ACSS3: variants seen among roughly 807,000 people sequenced by gnomAD.
The protein encoded by ACSS3 is acyl-CoA synthetase short chain family member 3.
In ACSS3, 64 loss-of-function variants were observed where a neutral mutation model predicts 84.2. The observed-to-expected ratio is 0.76, with a 90% CI of 0.62 to 0.94. The LOEUF (loss-of-function observed/expected upper bound fraction) is 0.94, where lower values mean the gene tolerates loss of function less well. Ranked by LOEUF, ACSS3 falls within the 40% of genes least tolerant of loss-of-function variation. ACSS3 has a pLI of 0.00. For missense variants in ACSS3, 815 were observed against 867.6 expected (o/e 0.94, Z 0.76); for synonymous variants, 317 against 310.1 (o/e 1.02, Z -0.23).
intron 8 of ACSS3, among the ~76,000 whole-genome samples, chr12:81,189,757 T>A (rs146164552): frequency 2.0e-5 from 3 of 152,160 alleles, no homozygotes; most frequent in Non-Finnish European, 4.4e-5. Flanking sequence ...ATTTAAGACA[T>A]AGGTGTTTTT....
rs1308381908 is a variant in ACSS3, at chr12:81,125,195, A to AC, written c.457-9621_457-9620insC. On this transcript the variant is annotated intron_variant, in intron 2 of 15. Transcript: ENST00000548058. ...CGCCACCGCACTCCAGCCTGGGCAG[A>AC]AGAGCGAGACTTCGTCTCAAAAAAA... is the stretch of plus-strand genomic sequence containing the variant. Among the ~76,000 whole-genome samples, 10 of 152,256 alleles carry AC rather than the reference A, an allele frequency of 6.6e-5. No individual in the cohort carries two copies. In the South Asian group the frequency reaches 8.3e-4, roughly 13 times the overall value.
chr12:81,230,105 C>A (rs1259962697), intron 11 of ACSS3, among the ~76,000 whole-genome samples: 2 of 151,784 alleles, frequency 1.3e-5, no homozygotes, highest in East Asian at 3.9e-4. Flanking sequence ...ATTTTCTCAG[C>A]ATGAGAACTA....
rs555093531 is a variant in ACSS3 at position 81,177,849 on chromosome 12, C to G, written c.1250+2910C>G. Among the ~76,000 whole-genome samples, 6 of 152,282 alleles carry G rather than the reference C, an allele frequency of 3.9e-5. No homozygotes were observed. The East Asian group carries it at 1.2e-3, about 29-fold the overall frequency. On this transcript the variant is annotated intron_variant, in intron 8 of 15. Coordinates refer to ENST00000548058, the MANE Select transcript of ACSS3 (RefSeq NM_024560.4). ...GAGAGGATGTGGAGAAATAGGAACA[C>G]TTTTACACTGTTGGTGGGACTGTAA...
rs1565693490 is a variant in ACSS3 at position 81,152,100 on chromosome 12, ATAAAG to A, written c.1098+11_1098+15del. ...GAACACAACAGTTTTATATGAGGTAATAAAGTAAAGTTAATACCACATATAAATGA... is the reference window on the plus strand; with the variant it reads ...GAACACAACAGTTTTATATGAGGTAATAAAGTTAATACCACATATAAATGA... On this transcript the variant is annotated splice_donor_5th_base_variant and intron_variant, in intron 7 of 15. Transcript: ENST00000548058. 4 of 1,602,388 alleles carry A rather than the reference ATAAAG, an allele frequency of 2.5e-6. No individual in the cohort carries two copies. The highest frequency in any genetic ancestry group is 2.2e-5 in the East Asian group (1 of 44,774).
At chr12:81,078,661 G>C (rs530416248) in intron 1 of ACSS3, among the ~76,000 whole-genome samples, 4 of 152,270 alleles carry the variant, frequency 2.6e-5, no homozygotes, top group East Asian at 1.9e-4. Context: ...ATAAACGGGA[G>C]ATTTACCTGA....
At chr12:81,153,937 C>T (rs1462662456) in intron 7 of ACSS3, among the ~76,000 whole-genome samples, 1 of 152,176 alleles carries the variant, frequency 6.6e-6, no homozygotes, top group Non-Finnish European at 1.5e-5. Flanking sequence ...TACTACTCTA[C>T]ACTTTTGTAT....
At chr12:81,175,936 C>T (rs942416996) in intron 8 of ACSS3, among the ~76,000 whole-genome samples, 8 of 151,988 alleles carry the variant, frequency 5.3e-5, no homozygotes, top group Admixed American at 1.3e-4. Context: ...TGTCACACCC[C>T]GAGGAACTAG....
At chr12:81,101,448 T>G (rs887068874) in intron 1 of ACSS3, among the ~76,000 whole-genome samples, 2 of 152,160 alleles carry the variant, frequency 1.3e-5, no homozygotes, top group African/African-American at 4.8e-5. Context: ...TTCTCTTACC[T>G]GGAGTTTACC....
intron 13 of ACSS3, among the ~76,000 whole-genome samples, chr12:81,236,012 A>C (rs1396840156): frequency 6.6e-6 from 1 of 151,430 alleles, no homozygotes; most frequent in Non-Finnish European, 1.5e-5. Context: ...TAGGATGTTG[A>C]ACAAGACTGG....
At chr12:81,173,550 A>G (rs972128708) in intron 7 of ACSS3, among the ~76,000 whole-genome samples, 4 of 152,210 alleles carry the variant, frequency 2.6e-5, no homozygotes, top group Admixed American at 6.5e-5. Context: ...GATCTAATCA[A>G]TGAGTATTGA....
chr12:81,225,086 AC>A (rs2033228641), intron 11 of ACSS3, among the ~76,000 whole-genome samples: 2 of 151,942 alleles, frequency 1.3e-5, no homozygotes, highest in South Asian at 4.2e-4. Flanking sequence ...AGGGTTCAGT[AC>A]TACCATGGTT....
At position 81,258,305 on chromosome 12, in the gene ACSS3, C is replaced by T. The variant is rs2034404858; in HGVS notation, c.*3383C>T. 1 of 152,062 alleles carries T rather than the reference C, an allele frequency of 6.6e-6. No individual in the cohort carries two copies. The highest frequency in any genetic ancestry group is 1.9e-4 in the East Asian group (1 of 5,196). The allele number at this position is 152,062 out of a possible 1,614,324, so 9.4% of individuals were successfully genotyped here. A position where few individuals can be genotyped will look rare whatever the true frequency, so the allele number is the denominator to read the frequency against. On this transcript the variant is annotated 3_prime_UTR_variant, in exon 16 of 16. Transcript: ENST00000548058. ...TTTTTATTGACAATGGAAAGGGTTT[C>T]TGTTATCATTACCTTTTGACTGAAT...
At chr12:81,077,880 C>A (rs1471678957), upstream of ACSS3, 1 of 465,952 alleles carries the variant, frequency 2.1e-6, no homozygotes, top group East Asian at 3.5e-5. Context: ...CGTGCAGCAG[C>A]GCAACTAACC....
chr12:81,144,181 T>G (rs1886218305), intron 5 of ACSS3, among the ~76,000 whole-genome samples: 2 of 151,488 alleles, frequency 1.3e-5, no homozygotes, highest in Admixed American at 6.6e-5. Flanking sequence ...ATTTAAGATG[T>G]TCCATATAAA....
At chr12:81,201,559 G>C (rs1323577144) in intron 9 of ACSS3, among the ~76,000 whole-genome samples, 1 of 152,180 alleles carries the variant, frequency 6.6e-6, no homozygotes, top group Non-Finnish European at 1.5e-5. Flanking sequence ...GAGGTCCCTG[G>C]TGGATACTCA....
intron 13 of ACSS3, 133 bp from the exon 14 acceptor site, chr12:81,253,174 G>T: frequency 1.1e-6 from 1 of 932,970 alleles, no homozygotes; most frequent in Non-Finnish European, 1.6e-6. Context: ...TTTTTGGCTT[G>T]TCTTACATGC....
At chr12:81,139,010 A>G in intron 3 of ACSS3, 121 bp from the exon 4 acceptor site, 1 of 1,094,692 alleles carries the variant, frequency 9.1e-7, no homozygotes, top group South Asian at 1.6e-5. Flanking sequence ...CATTCAATAG[A>G]AAACAGAAAC....
At chr12:81,209,479 A>G (rs2032496383) in intron 9 of ACSS3, among the ~76,000 whole-genome samples, 1 of 152,008 alleles carries the variant, frequency 6.6e-6, no homozygotes, top group South Asian at 2.1e-4. Flanking sequence ...GAAATCAGCC[A>G]GGGATTCTGG....
Position 81,152,013 on chromosome 12 carries a change from G to A in ACSS3, c.1015G>A (p.Ala339Thr). Residue 339 changes from alanine (A) to threonine (T), a missense_variant, in exon 7 of 16, where the codon GCT becomes ACT. Ala to Thr is a moderately conservative substitution (Grantham distance 58). Transcript: ENST00000548058. ...TCTTATTTTTTAGGTGTGGTGGGCA[G>A]CTTCTGACTTAGGCTGGGTTGTTGG... ...GLQPGEVWWA[A>T]SDLGWVVGHS... 2 of 1,613,584 alleles carry A rather than the reference G, an allele frequency of 1.2e-6. No individual in the cohort carries two copies. Among genetic ancestry groups the A allele is most frequent in the Non-Finnish European group, 1.7e-6 (2 of 1,179,768 alleles).
Sources: gnomAD v4.1 joint callset for allele counts (sites outside exome capture counted in the v4.1 genomes callset) on GRCh38, gnomAD v4.1.1 for gene constraint, MANE v1.5 for transcripts, NCBI Gene and HGNC (gene_info 2026-07-23, HGNC 2026-07-21) for gene names.